The following MYO10 variants were observed in gnomAD, a reference collection of about 807,000 sequenced individuals.
MYO10 encodes unconventional myosin-X.
MYO10 carries 133 observed loss-of-function variants against 257.3 expected under a neutral mutation model. That is an observed-to-expected ratio of 0.52 (90% CI 0.45 to 0.60). The LOEUF (loss-of-function observed/expected upper bound fraction) is 0.60. Ranked by LOEUF, MYO10 falls within the 20% of genes least tolerant of loss-of-function variation. MYO10 has a pLI of 0.00. For synonymous variants in MYO10, 1,104 were observed against 1,028.6 expected (o/e 1.07, Z -1.40); for missense variants, 2,399 against 2,635.7 (o/e 0.91, Z 1.97).
chr5:16,702,997 G>A lies in MYO10; in HGVS notation c.2438C>T (p.Ala813Val). The change falls in exon 23 of 41, where the codon GCA becomes GTA. Residue 813 changes from alanine (A) to valine (V), a missense_variant. Coordinates refer to ENST00000513610, the MANE Select transcript of MYO10 (RefSeq NM_012334.3). ...CTTTTCTTCTTGCTCCCTTTTCTCTGCCAGCAATTGTCTGTAAACTCTCCG... is the reference window on the plus strand; with the variant it reads ...CTTTTCTTCTTGCTCCCTTTTCTCTACCAGCAATTGTCTGTAAACTCTCCG... ...IARRVYRQLLAEKREQEEKKK... is the reference protein window; with the variant it reads ...IARRVYRQLLVEKREQEEKKK... 6.4e-7 allele frequency: 1 copy of A among 1,551,818 alleles called. No individual in the cohort carries two copies. Among genetic ancestry groups the A allele is most frequent in the South Asian group, 1.2e-5 (1 of 84,036 alleles).
At chr5:16,680,937 G>C (rs539872244) in intron 32 of MYO10, among the ~76,000 whole-genome samples, 1 of 152,274 alleles carries the variant, frequency 6.6e-6, no homozygotes, top group East Asian at 1.9e-4. Flanking sequence ...AGGCTGTAGT[G>C]AACCAAGATT....
At chr5:16,721,624 G>A (rs1739156361) in intron 19 of MYO10, among the ~76,000 whole-genome samples, 1 of 152,142 alleles carries the variant, frequency 6.6e-6, no homozygotes, top group Non-Finnish European at 1.5e-5. Context: ...AGTCAGTCCT[G>A]GAGGTCAGAT....
intron 3 of MYO10, chr5:16,815,569 C>T: frequency 1.5e-6 from 1 of 648,408 alleles, no homozygotes. Flanking sequence ...ACATTTATTG[C>T]ACAACTACCA....
At chr5:16,927,061 T>C (rs77949103) in intron 1 of MYO10, among the ~76,000 whole-genome samples, 7,497 of 152,266 alleles carry the variant, frequency 0.049, 197 homozygotes, top group African/African-American at 0.067. Flanking sequence ...ATTTACCAAT[T>C]TGTAAGCATG....
chr5:16,932,039 G>A (rs31457), intron 1 of MYO10, among the ~76,000 whole-genome samples: 60,065 of 152,038 alleles, frequency 0.4, 12,128 homozygotes, highest in Middle Eastern at 0.5. Flanking sequence ...AAGTAGAAGA[G>A]GTTGGTGTTT....
At chr5:16,794,594 C>T (rs975004594) in intron 4 of MYO10, 52 bp downstream of exon 4, 7 of 1,514,880 alleles carry the variant, frequency 4.6e-6, no homozygotes, top group South Asian at 1.3e-5. Context: ...TGGGGGTGCG[C>T]GGAGGGACTC....
intron 2 of MYO10, among the ~76,000 whole-genome samples, chr5:16,875,442 G>T (rs1580102693): frequency 6.6e-6 from 1 of 152,114 alleles, no homozygotes; most frequent in Admixed American, 6.6e-5. Context: ...TTACTCCCTA[G>T]ACTACAGATC....
At chr5:16,762,169 A>ATT in intron 15 of MYO10, 56 bp from the exon 16 acceptor site, 1 of 1,423,956 alleles carries the variant, frequency 7.0e-7, no homozygotes, top group African/African-American at 1.5e-5. Flanking sequence ...TCACTCACTG[A>ATT]TTTCCTTTGA....
At chr5:16,832,124 G>C (rs966686086) in intron 2 of MYO10, among the ~76,000 whole-genome samples, 1 of 152,006 alleles carries the variant, frequency 6.6e-6, no homozygotes, top group South Asian at 2.1e-4. Flanking sequence ...TTTTTGTGTA[G>C]AGACAGGGTT....
intron 3 of MYO10, among the ~76,000 whole-genome samples, chr5:16,802,785 G>A (rs1742159031): frequency 6.6e-6 from 1 of 151,968 alleles, no homozygotes; most frequent in Non-Finnish European, 1.5e-5. Flanking sequence ...GACTTGAGAG[G>A]AAATAACAAG....
At chr5:16,812,757 T>C (rs186813209) in intron 3 of MYO10, among the ~76,000 whole-genome samples, 402 of 152,254 alleles carry the variant, frequency 2.6e-3, no homozygotes, top group Non-Finnish European at 3.9e-3. Context: ...TTTCACTTCT[T>C]TTACTTTAAA....
Position 16,670,840 on chromosome 5 carries a change from G to A in MYO10, c.5569C>T (p.Leu1857=), listed in dbSNP as rs375299552. Residue 1857 remains leucine (L), a synonymous_variant, in exon 39 of 41, where the codon CTG becomes TTG. Transcript: ENST00000513610. ...CTGATGCGGGCCTTGAGTCTCTGCA[G>A]GGAATAAACCTCTTCGAGAGGTGGG... ...AIPPLEEVYS[L]QRLKARISQS... 2.7e-5 allele frequency: 43 copies of A among 1,614,042 alleles called. No individual in the cohort carries two copies. In the Middle Eastern group the frequency reaches 4.9e-4, roughly 19 times the overall value.
rs1431937501 is a variant in MYO10, at chr5:16,663,352, T to G, written c.*3340A>C. 3 of 108,440 alleles carry G rather than the reference T, an allele frequency of 2.8e-5. No individual in the cohort carries two copies. Among genetic ancestry groups the G allele is most frequent in the Admixed American group, 1.2e-4 (1 of 8,472 alleles). The allele number at this position is 108,440 out of a possible 1,614,324, so 6.7% of individuals were successfully genotyped here. A position where few individuals can be genotyped will look rare whatever the true frequency, so the allele number is the denominator to read the frequency against. ...TGTTTTTTTTTTTTTTTTTTTTTTTTTTTTTTTTTTTTTTTACAAATCACC... is the reference window on the plus strand; with the variant it reads ...TGTTTTTTTTTTTTTTTTTTTTTTTGTTTTTTTTTTTTTTTACAAATCACC... On this transcript the variant is annotated 3_prime_UTR_variant, in exon 41 of 41. Transcript: ENST00000513610.
chr5:16,685,676 TGACGCCCTCCCCGTCCCTGCCCCTA>T (rs1295304530), intron 29 of MYO10, 37 bp downstream of exon 29: 17 of 1,242,160 alleles, frequency 1.4e-5, no homozygotes, highest in Non-Finnish European at 2.0e-5. Context: ...TTTACCATCC[TGACGCCCTCCCCGTCCCTGCCCCTA>T]GACGCCCCAC....
At chr5:16,792,980 C>A (rs250356) in intron 4 of MYO10, among the ~76,000 whole-genome samples, 75,231 of 151,970 alleles carry the variant, frequency 0.5, 18,961 homozygotes, top group South Asian at 0.62. Context: ...ATTCTGAGGA[C>A]GAGAGCCAAG....
intron 1 of MYO10, among the ~76,000 whole-genome samples, chr5:16,908,486 C>G (rs893304595): frequency 2.0e-5 from 3 of 152,140 alleles, no homozygotes; most frequent in African/African-American, 7.2e-5. Context: ...TGAGATCATG[C>G]CACTGCACTC....
intron 1 of MYO10, among the ~76,000 whole-genome samples, chr5:16,892,301 T>C (rs1333666007): frequency 1.3e-5 from 2 of 152,260 alleles, no homozygotes; most frequent in East Asian, 1.9e-4. Context: ...GCTTATCTGA[T>C]ACATAACACA....
rs1190303783 is a variant in MYO10, at chr5:16,880,405, C to A, written c.22-2698G>T. 4.0e-3 allele frequency among the ~76,000 whole-genome samples: 613 copies of A among 151,894 alleles called. 11 individuals are homozygous for A. Among genetic ancestry groups the A allele is most frequent in the African/African-American group, 0.014 (588 of 41,262 alleles). On this transcript the variant is annotated intron_variant, in intron 1 of 40. Transcript: ENST00000513610. ...CCCCACTGACCAACTCACAGAGTTC[C>A]CCGGAGAGTTATACGACTCTCCTAG... is the stretch of plus-strand genomic sequence containing the variant.
intron 19 of MYO10, among the ~76,000 whole-genome samples, chr5:16,729,453 A>ATT (rs1314577938): frequency 6.4e-4 from 89 of 138,152 alleles, no homozygotes; most frequent in African/African-American, 2.0e-3. Context: ...TGTATTTTCT[A>ATT]TTTTTTTTTT....
Sources: gnomAD v4.1 joint callset for allele counts (sites outside exome capture counted in the v4.1 genomes callset) on GRCh38, gnomAD v4.1.1 for gene constraint, MANE v1.5 for transcripts, NCBI Gene and HGNC (gene_info 2026-07-23, HGNC 2026-07-21) for gene names.